AUTS2: variants seen among roughly 807,000 people sequenced by gnomAD.
AUTS2 encodes the protein autism susceptibility gene 2 protein.
In AUTS2, 17 loss-of-function variants were observed where a neutral mutation model predicts 112.4. That is an observed-to-expected ratio of 0.15 (90% confidence interval 0.10 to 0.23). The LOEUF is 0.23. Among genes scored for constraint, AUTS2 ranks in the 10% least tolerant of loss-of-function variants. The pLI is 1.00. For synonymous variants in AUTS2, 751 were observed against 702.7 expected, an observed-to-expected ratio of 1.07 and a Z score of -1.09; for missense variants, 1,510 against 1,701.6, an observed-to-expected ratio of 0.89 and a Z score of 1.98.
At chr7:70,079,676 A>G (rs1803206597) in intron 2 of AUTS2, among the ~76,000 whole-genome samples, 1 of 152,120 alleles carries the variant, frequency 6.6e-6, no homozygotes, top group Admixed American at 6.5e-5. Context: ...ATGATGTGTT[A>G]TTGAGCCTCT....
chr7:70,352,241 A>G (rs1469161555), intron 4 of AUTS2, among the ~76,000 whole-genome samples: 1 of 151,926 alleles, frequency 6.6e-6, no homozygotes, highest in Non-Finnish European at 1.5e-5. Context: ...TGTTCTGCCA[A>G]CTCTTTGGAG....
chr7:69,781,145 G>A (rs191859283), intron 1 of AUTS2, among the ~76,000 whole-genome samples: 13 of 152,216 alleles, frequency 8.5e-5, no homozygotes, highest in African/African-American at 2.9e-4. Context: ...GTTTTCTACC[G>A]TATTAGTCCT....
intron 4 of AUTS2, among the ~76,000 whole-genome samples, chr7:70,280,115 C>T (rs1788135163): frequency 6.6e-6 from 1 of 152,114 alleles, no homozygotes; most frequent in Non-Finnish European, 1.5e-5. Context: ...TCAGTTGCTT[C>T]ACAATGTCTG....
chr7:69,964,988 G>A (rs1362195352), intron 2 of AUTS2, among the ~76,000 whole-genome samples: 1 of 151,842 alleles, frequency 6.6e-6, no homozygotes, highest in East Asian at 1.9e-4. Flanking sequence ...GTTCCCTGAA[G>A]CTCTTGTCCT....
chr7:70,314,046 A>G (rs1789882163), intron 4 of AUTS2, among the ~76,000 whole-genome samples: 1 of 152,230 alleles, frequency 6.6e-6, no homozygotes, highest in African/African-American at 2.4e-5. Context: ...CTTTTTAAGC[A>G]GGAGGACATT....
rs1054425538 is a variant in AUTS2 at position 69,971,880 on chromosome 7, A to G, written c.522+72382A>G. Among the ~76,000 whole-genome samples, 4 of 152,298 alleles carry G rather than the reference A, an allele frequency of 2.6e-5. No individual in the cohort carries two copies. The East Asian group carries it at 7.7e-4, about 29-fold the overall frequency. ...TCTGAGTTGTTTTCCTAGAAGTACT[A>G]TGAACATTTGTTTATAGGTTTTGTT... On this transcript the variant is annotated intron_variant, in intron 2 of 18. Transcript: ENST00000342771.
rs1554395053 is a variant in AUTS2, at chr7:69,870,448, A to AATATACATATATAT, written c.310-28833_310-28832insCATATATATATATA. ...TACATATCTGTGCGTATGTGTGTGT[A>AATATACATATATAT]ATATATATATATATATATGTATTCA... On this transcript the variant is annotated intron_variant, in intron 1 of 18. Transcript: ENST00000342771. 3.7e-4 allele frequency among the ~76,000 whole-genome samples: 29 copies of AATATACATATATAT among 78,970 alleles called. 1 individual carries two copies. The highest frequency in any genetic ancestry group is 2.5e-3 in the South Asian group (5 of 2,030). The allele number at this position is 78,970 out of a possible 152,430, so 51.8% of individuals were successfully genotyped here.
intron 4 of AUTS2, among the ~76,000 whole-genome samples, chr7:70,139,527 A>G (rs900254533): frequency 2.0e-5 from 3 of 152,196 alleles, no homozygotes; most frequent in African/African-American, 7.2e-5. Context: ...AATTTTTATA[A>G]ATGCCACCAT....
chr7:70,563,469 C>T (rs570597789), intron 5 of AUTS2, among the ~76,000 whole-genome samples: 6 of 152,192 alleles, frequency 3.9e-5, no homozygotes, highest in South Asian at 4.1e-4. Context: ...TAAAAGAAAA[C>T]GATGTTAATA....
At chr7:70,582,300 C>A (rs111490762) in intron 5 of AUTS2, among the ~76,000 whole-genome samples, 1,739 of 152,296 alleles carry the variant, frequency 0.011, 35 homozygotes, top group African/African-American at 0.04. Context: ...CATCCTCTCC[C>A]TTCTCCCCAG....
At chr7:69,756,871 ATGAAGATATAC>A (rs1787966301) in intron 1 of AUTS2, among the ~76,000 whole-genome samples, 1 of 152,198 alleles carries the variant, frequency 6.6e-6, no homozygotes, top group Non-Finnish European at 1.5e-5. Context: ...GAATTAGTGA[ATGAAGATATAC>A]TGAATTTTTT....
intron 1 of AUTS2, among the ~76,000 whole-genome samples, chr7:69,837,693 C>T (rs1391477452): frequency 1.3e-5 from 2 of 152,148 alleles, no homozygotes; most frequent in Admixed American, 1.3e-4. Context: ...CATCAAGAGG[C>T]GTCATGTTTG....
chr7:70,557,058 A>C (rs1193350619), intron 5 of AUTS2, among the ~76,000 whole-genome samples: 2 of 152,168 alleles, frequency 1.3e-5, no homozygotes, highest in Non-Finnish European at 2.9e-5. Context: ...AGTTTTCATT[A>C]AGTCAAGGAC....
chr7:69,951,524 GA>G (rs1433384828), intron 2 of AUTS2, among the ~76,000 whole-genome samples: 1 of 152,198 alleles, frequency 6.6e-6, no homozygotes, highest in Non-Finnish European at 1.5e-5. Context: ...ATAGTGGACA[GA>G]AGCCATCCGT....
chr7:70,759,872 G>T (rs926197835), intron 6 of AUTS2, among the ~76,000 whole-genome samples: 2 of 152,156 alleles, frequency 1.3e-5, no homozygotes, highest in Non-Finnish European at 2.9e-5. Context: ...AAGTGTGAAT[G>T]ATATACTCCA....
intron 1 of AUTS2, among the ~76,000 whole-genome samples, chr7:69,829,544 A>G (rs1163146245): frequency 6.6e-6 from 1 of 152,216 alleles, no homozygotes; most frequent in Non-Finnish European, 1.5e-5. Context: ...ATTTACAAGA[A>G]AAAAACACCA....
intron 5 of AUTS2, among the ~76,000 whole-genome samples, chr7:70,486,841 T>C (rs1585203348): frequency 6.6e-6 from 1 of 150,704 alleles, no homozygotes; most frequent in Admixed American, 6.6e-5. Context: ...CTGGTGGTGG[T>C]GGTGGTAGTG....
At position 69,639,451 on chromosome 7, in the gene AUTS2, T is replaced by C. The variant is rs1794703923; in HGVS notation, c.309+39489T>C. ...CTTTGTAACATCTACTCCAATCTTT[T>C]ATTTTGCAGATGGGGAAAGAATTAG... On this transcript the variant is annotated intron_variant, in intron 1 of 18. Coordinates refer to ENST00000342771, the MANE Select transcript of AUTS2 (RefSeq NM_015570.4). 3.9e-5 allele frequency among the ~76,000 whole-genome samples: 6 copies of C among 152,376 alleles called. No homozygotes were observed. The South Asian group carries it at 1.2e-3, about 32-fold the overall frequency.
At chr7:70,561,870 C>T (rs1442365842) in intron 5 of AUTS2, among the ~76,000 whole-genome samples, 1 of 152,114 alleles carries the variant, frequency 6.6e-6, no homozygotes, top group Non-Finnish European at 1.5e-5. Context: ...TTGTTCCCTT[C>T]AAATCTTTTG....
Sources: gnomAD v4.1 joint callset for allele counts (sites outside exome capture counted in the v4.1 genomes callset) on GRCh38, gnomAD v4.1.1 for gene constraint, MANE v1.5 for transcripts, NCBI Gene and HGNC (gene_info 2026-07-23, HGNC 2026-07-21) for gene names.